The following SDK1 variants were observed in gnomAD, a reference collection of about 807,000 sequenced individuals.
SDK1 encodes sidekick cell adhesion molecule 1, also known as protein sidekick-1.
Under a neutral mutation model 245.5 loss-of-function variants are expected in SDK1, and 157 were observed. The observed-to-expected ratio is 0.64, with a 90% CI of 0.56 to 0.73. The LOEUF is 0.73. Ranked by LOEUF, SDK1 falls within the 30% of genes least tolerant of loss-of-function variation. The probability of loss-of-function intolerance (pLI) is 0.00; values close to 1 mark genes in which losing one functional copy is unlikely to be tolerated. For synonymous variants in SDK1, 1,647 were observed against 1,278.5 expected, an observed-to-expected ratio of 1.29 and a Z score of -6.15; for missense variants, 3,583 against 3,002.3, an observed-to-expected ratio of 1.19 and a Z score of -4.52.
intron 36 of SDK1, 104 bp from the exon 37 acceptor site, chr7:4,207,995 C>A: frequency 1.2e-6 from 1 of 845,268 alleles, no homozygotes; most frequent in African/African-American, 1.7e-5. Flanking sequence ...CACAGCTCGC[C>A]CCAGAACTCA....
intron 1 of SDK1, among the ~76,000 whole-genome samples, chr7:3,475,837 C>G (rs540361888): frequency 1.3e-5 from 2 of 152,294 alleles, no homozygotes; most frequent in African/African-American, 2.4e-5. Flanking sequence ...AGCTGCCTCT[C>G]TGGCTCTCTG....
At chr7:4,194,340 A>ATGTATACGTATATACATATATGTATACG (rs1783435289) in intron 35 of SDK1, among the ~76,000 whole-genome samples, 1 of 126,770 alleles carries the variant, frequency 7.9e-6, no homozygotes, top group African/African-American at 3.4e-5. Flanking sequence ...ATGTGTATAC[A>ATGTATACGTATATACATATATGTATACG]TGTATAGATA....
chr7:3,565,144 A>G (rs942038956), intron 1 of SDK1, among the ~76,000 whole-genome samples: 4 of 151,682 alleles, frequency 2.6e-5, no homozygotes, highest in African/African-American at 9.7e-5. Flanking sequence ...GGATAACTAG[A>G]CACTGGAATA....
At chr7:4,048,801 T>TA (rs1789220344) in intron 17 of SDK1, among the ~76,000 whole-genome samples, 2 of 152,314 alleles carry the variant, frequency 1.3e-5, no homozygotes, top group African/African-American at 4.8e-5. Flanking sequence ...AGCTGTTCTG[T>TA]AAAAGAGAGA....
intron 40 of SDK1, among the ~76,000 whole-genome samples, chr7:4,228,041 C>T (rs969757401): frequency 3.0e-4 from 46 of 152,290 alleles, no homozygotes; most frequent in African/African-American, 1.1e-3. Flanking sequence ...GTGGACAAAT[C>T]ACGCCGTAAA....
At chr7:3,684,594 C>A (rs904742463) in intron 4 of SDK1, among the ~76,000 whole-genome samples, 1 of 152,124 alleles carries the variant, frequency 6.6e-6, no homozygotes, top group Non-Finnish European at 1.5e-5. Context: ...TACCTGAAGA[C>A]CATTTATCAT....
At chr7:3,428,063 T>C (rs979168381) in intron 1 of SDK1, among the ~76,000 whole-genome samples, 1 of 152,236 alleles carries the variant, frequency 6.6e-6, no homozygotes, top group African/African-American at 2.4e-5. Flanking sequence ...TTGTAAAATG[T>C]CAAGTGGGTT....
At chr7:3,494,443 A>G (rs1781959380) in intron 1 of SDK1, among the ~76,000 whole-genome samples, 1 of 152,222 alleles carries the variant, frequency 6.6e-6, no homozygotes, top group Non-Finnish European at 1.5e-5. Flanking sequence ...AAGGGTATCA[A>G]CATTATGGGA....
At chr7:3,563,455 ATAT>A (rs1251399977) in intron 1 of SDK1, among the ~76,000 whole-genome samples, 16 of 152,328 alleles carry the variant, frequency 1.1e-4, no homozygotes, top group African/African-American at 3.8e-4. Context: ...TAACTTAAAT[ATAT>A]TATTAAAGAT....
intron 5 of SDK1, among the ~76,000 whole-genome samples, chr7:3,867,090 A>G (rs1371650226): frequency 2.6e-5 from 4 of 152,216 alleles, no homozygotes; most frequent in African/African-American, 9.7e-5. Flanking sequence ...GAAAAGCCGT[A>G]TTTTTCCAAG....
At chr7:3,513,272 G>A (rs924195524) in intron 1 of SDK1, among the ~76,000 whole-genome samples, 2 of 152,094 alleles carry the variant, frequency 1.3e-5, no homozygotes, top group African/African-American at 2.4e-5. Context: ...CTAGAAAGAT[G>A]GTAAAAGTGG....
chr7:3,916,061 ATAGTAGGATC>A (rs1445579027), intron 5 of SDK1, among the ~76,000 whole-genome samples: 1 of 152,206 alleles, frequency 6.6e-6, no homozygotes, highest in Non-Finnish European at 1.5e-5. Flanking sequence ...AACACAAGTC[ATAGTAGGATC>A]TATGGCCTGT....
rs546199569 is a variant in SDK1, at chr7:3,695,484, G to A, written c.713+53379G>A. Among the ~76,000 whole-genome samples the A allele has an allele frequency of 2.1e-4, 32 of 152,152 alleles. 1 individual carries two copies. The highest frequency in any genetic ancestry group is 7.7e-4 in the African/African-American group (32 of 41,512). On this transcript the variant is annotated intron_variant, in intron 4 of 44. Coordinates refer to ENST00000404826, the MANE Select transcript of SDK1 (RefSeq NM_152744.4). ...TTGTTATGGAGTTCCTACTTGATAA[G>A]CTGCTTTGTAAAGATTTTAAAATTC... is the stretch of plus-strand genomic sequence containing the variant.
chr7:3,645,394 C>T (rs886953551), intron 4 of SDK1, among the ~76,000 whole-genome samples: 1 of 152,142 alleles, frequency 6.6e-6, no homozygotes, highest in African/African-American at 2.4e-5. Flanking sequence ...TATTTTCCAC[C>T]TCATCATCAC....
At chr7:4,126,682 T>G (rs1362683536) in intron 25 of SDK1, among the ~76,000 whole-genome samples, 1 of 152,238 alleles carries the variant, frequency 6.6e-6, no homozygotes, top group Non-Finnish European at 1.5e-5. Context: ...ATCGCACCAC[T>G]GCTCTCCAGT....
At chr7:3,938,734 T>G (rs7794993) in intron 5 of SDK1, among the ~76,000 whole-genome samples, 8,084 of 152,008 alleles carry the variant, frequency 0.053, 732 homozygotes, top group African/African-American at 0.18. Context: ...CTCCTAAATA[T>G]GCTCCTAAAT....
chr7:4,051,514 G>A (rs1789474708), intron 18 of SDK1, 124 bp from the exon 19 acceptor site: 2 of 799,458 alleles, frequency 2.5e-6, no homozygotes, highest in Admixed American at 3.4e-5. Flanking sequence ...TAAAATGCAG[G>A]ATTTATGGAC....
chr7:3,825,872 G>A (rs1779762211), intron 5 of SDK1, among the ~76,000 whole-genome samples: 1 of 152,148 alleles, frequency 6.6e-6, no homozygotes, highest in Non-Finnish European at 1.5e-5. Flanking sequence ...CTTGGCTCGG[G>A]TTCCTAAAAC....
intron 4 of SDK1, among the ~76,000 whole-genome samples, chr7:3,668,496 C>T (rs1783603383): frequency 6.6e-6 from 1 of 152,168 alleles, no homozygotes; most frequent in African/African-American, 2.4e-5. Context: ...TTGCCTTGGG[C>T]CTGGTGCAGT....
Sources: allele counts gnomAD v4.1 joint callset (sites outside exome capture counted in the v4.1 genomes callset), GRCh38; gene constraint gnomAD v4.1.1; transcripts MANE v1.5; gene names NCBI Gene and HGNC (gene_info 2026-07-23, HGNC 2026-07-21).